The following NTM variants were observed in gnomAD, a reference collection of about 807,000 sequenced individuals.
NTM encodes IgLON family member 2.
A neutral mutation model predicts 42.1 loss-of-function variants in NTM; 13 were observed. The observed-to-expected ratio is 0.31, with a 90% CI of 0.20 to 0.49. The LOEUF is 0.49. Among genes scored for constraint, NTM ranks in the 20% least tolerant of loss-of-function variants. NTM has a pLI of 0.99. For synonymous variants in NTM, 187 were observed against 179.2 expected (o/e 1.04, Z -0.35); for missense variants, 373 against 452.8 (o/e 0.82, Z 1.60).
At chr11:131,525,053 G>C (rs1027808982) in intron 1 of NTM, among the ~76,000 whole-genome samples, 1 of 151,868 alleles carries the variant, frequency 6.6e-6, no homozygotes, top group African/African-American at 2.4e-5. Flanking sequence ...TGGAGTAAGG[G>C]GGCAGTAATT....
At chr11:132,130,266 G>T (rs935306245) in intron 2 of NTM, among the ~76,000 whole-genome samples, 4 of 152,058 alleles carry the variant, frequency 2.6e-5, no homozygotes, top group Non-Finnish European at 5.9e-5. Context: ...GTGGGAGTTG[G>T]TTCAGCTTTG....
chr11:131,523,046 A>G (rs1049791570), intron 1 of NTM, among the ~76,000 whole-genome samples: 1 of 152,308 alleles, frequency 6.6e-6, no homozygotes, highest in African/African-American at 2.4e-5. Context: ...CATCTACCAC[A>G]TTTTTAAAAT....
chr11:132,116,121 C>G (rs1481294214), intron 2 of NTM, among the ~76,000 whole-genome samples: 1 of 152,190 alleles, frequency 6.6e-6, no homozygotes, highest in African/African-American at 2.4e-5. Context: ...AGTAGTTGGA[C>G]TTGGTTGCAC....
intron 1 of NTM, among the ~76,000 whole-genome samples, chr11:131,813,209 A>AT (rs1240981239): frequency 1.3e-5 from 2 of 152,136 alleles, no homozygotes; most frequent in Non-Finnish European, 2.9e-5. Flanking sequence ...TATCTCATGT[A>AT]TTTTTTCAGT....
rs947921066 is a variant in NTM, at chr11:131,850,685, A to C, written c.83-60879A>C. The stretch of plus-strand genomic sequence containing the variant: ...TCTAATGAGGTGAGCAGCAGCAATC[A>C]ATGTTCAAAGGGAGGTGACGACAAG... On this transcript the variant is annotated intron_variant, in intron 1 of 8. Transcript: ENST00000683400. Among the ~76,000 whole-genome samples the C allele has an allele frequency of 9.2e-5, 14 of 152,310 alleles. No individual in the cohort carries two copies. The South Asian group carries it at 2.7e-3, about 29-fold the overall frequency.
At chr11:132,158,570 G>C (rs1434468463) in intron 3 of NTM, among the ~76,000 whole-genome samples, 1 of 152,190 alleles carries the variant, frequency 6.6e-6, no homozygotes. Context: ...GTTCATTGTT[G>C]TTTCCCAAGT....
At chr11:131,689,034 G>A (rs374807343) in intron 1 of NTM, among the ~76,000 whole-genome samples, 1 of 151,294 alleles carries the variant, frequency 6.6e-6, no homozygotes, top group Non-Finnish European at 1.5e-5. Flanking sequence ...ACACGTGCAT[G>A]CCTTCAGTGA....
intron 1 of NTM, among the ~76,000 whole-genome samples, chr11:131,497,883 C>T (rs1398088593): frequency 2.0e-5 from 3 of 152,174 alleles, no homozygotes; most frequent in Non-Finnish European, 2.9e-5. Flanking sequence ...AACCATCCCT[C>T]CTGCCAAAAC....
intron 2 of NTM, among the ~76,000 whole-genome samples, chr11:132,053,326 C>G (rs1271561484): frequency 6.6e-6 from 1 of 152,150 alleles, no homozygotes; most frequent in Admixed American, 6.5e-5. Flanking sequence ...CTTTCGGTGA[C>G]AGAATTGAGG....
intron 1 of NTM, among the ~76,000 whole-genome samples, chr11:131,760,460 C>T (rs2083978081): frequency 1.3e-5 from 2 of 152,188 alleles, no homozygotes. Context: ...GCTGGTTCAT[C>T]AGCATGGCGC....
chr11:131,934,279 C>T (rs1171018220), intron 2 of NTM, among the ~76,000 whole-genome samples: 2 of 152,086 alleles, frequency 1.3e-5, no homozygotes, highest in African/African-American at 4.8e-5. Flanking sequence ...GAGCGTATCA[C>T]AGAGTAATAT....
intron 4 of NTM, among the ~76,000 whole-genome samples, chr11:132,244,048 A>G (rs2090655629): frequency 6.6e-6 from 1 of 152,136 alleles, no homozygotes; most frequent in Non-Finnish European, 1.5e-5. Context: ...CACTAATTAC[A>G]CTGCAGATCC....
At chr11:131,915,309 A>G (rs558609886) in intron 2 of NTM, among the ~76,000 whole-genome samples, 1 of 152,246 alleles carries the variant, frequency 6.6e-6, no homozygotes, top group African/African-American at 2.4e-5. Flanking sequence ...GTGGCACTTA[A>G]TGTCTTCCCT....
intron 1 of NTM, among the ~76,000 whole-genome samples, chr11:131,751,078 G>A (rs900420969): frequency 6.6e-6 from 1 of 152,112 alleles, no homozygotes; most frequent in African/African-American, 2.4e-5. Context: ...CAGGCCATTT[G>A]GGATGCCCTT....
intron 2 of NTM, among the ~76,000 whole-genome samples, chr11:132,005,846 C>T (rs1349393059): frequency 1.3e-5 from 2 of 152,200 alleles, no homozygotes; most frequent in African/African-American, 4.8e-5. Flanking sequence ...ACCTTTCTAA[C>T]TCAAATCCCT....
At chr11:131,590,616 T>C (rs1426996767) in intron 1 of NTM, among the ~76,000 whole-genome samples, 1 of 152,168 alleles carries the variant, frequency 6.6e-6, no homozygotes, top group East Asian at 1.9e-4. Context: ...CATTTACAAG[T>C]TATTATAACA....
chr11:131,958,980 G>A (rs562377702), intron 2 of NTM, among the ~76,000 whole-genome samples: 1 of 152,314 alleles, frequency 6.6e-6, no homozygotes, highest in Admixed American at 6.5e-5. Context: ...TGTTTCAGGG[G>A]TGCTGGCGGA....
At chr11:131,866,713 G>A (rs79450281) in intron 1 of NTM, among the ~76,000 whole-genome samples, 1 of 152,318 alleles carries the variant, frequency 6.6e-6, no homozygotes, top group East Asian at 1.9e-4. Context: ...ATTTTAAACA[G>A]GTTGGTGGAT....
chr11:131,806,336 T>A (rs1404461221), intron 1 of NTM, among the ~76,000 whole-genome samples: 2 of 152,156 alleles, frequency 1.3e-5, no homozygotes, highest in Admixed American at 6.5e-5. Flanking sequence ...GGACTTCAGT[T>A]TTTCTTTTGA....
Sources: allele counts gnomAD v4.1 joint callset (sites outside exome capture counted in the v4.1 genomes callset), GRCh38; gene constraint gnomAD v4.1.1; transcripts MANE v1.5; gene names NCBI Gene and HGNC (gene_info 2026-07-23, HGNC 2026-07-21).